DAB1: variants seen among roughly 807,000 people sequenced by gnomAD.
DAB1 encodes the protein disabled homolog 1.
Under a neutral mutation model 64.6 loss-of-function variants are expected in DAB1, and 15 were observed. The ratio of observed to expected loss-of-function variants is 0.23; its 90% CI spans 0.16 to 0.36. The LOEUF (loss-of-function observed/expected upper bound fraction) is 0.36, where lower values mean the gene tolerates loss of function less well. DAB1 is among the 10% of genes least tolerant of loss of function. DAB1 has a pLI of 1.00. For synonymous variants in DAB1, 235 were observed against 251.9 expected (o/e 0.93, Z 0.64); for missense variants, 596 against 706.7 (o/e 0.84, Z 1.78).
intron 1 of DAB1, among the ~76,000 whole-genome samples, chr1:57,837,527 C>G (rs1305776557): frequency 2.0e-5 from 3 of 152,044 alleles, no homozygotes; most frequent in African/African-American, 7.3e-5. Flanking sequence ...CCTAAAATAT[C>G]TCCCCCACTC....
At position 57,021,519 on chromosome 1, in the gene DAB1, C is replaced by G. The variant is rs564240550; in HGVS notation, c.895+2012G>C. 4.6e-4 allele frequency among the ~76,000 whole-genome samples: 70 copies of G among 152,278 alleles called. 2 individuals carry two copies. In the Middle Eastern group the frequency reaches 0.017, roughly 37 times the overall value. ...GATGGTTTTATAAAGGGGAGTTCCC[C>G]TGAACACAAGCCCTCTTGTCTGCCA... On this transcript the variant is annotated intron_variant, in intron 11 of 14. Coordinates refer to ENST00000371236, the MANE Select transcript of DAB1 (RefSeq NM_001365792.1).
In DAB1 at chr1:57,238,766, A is replaced by G. The variant is rs149282508; in HGVS notation, c.67+52198T>C. ...GTACAATGACTGGAAATAGTTCTAT[A>G]GTACTGGGCAGAAATAAGGGGAGAG... On this transcript the variant is annotated intron_variant, in intron 2 of 14. Transcript: ENST00000371236. Among the ~76,000 whole-genome samples, 10 of 152,088 alleles carry G rather than the reference A, an allele frequency of 6.6e-5. No homozygotes were observed. In the East Asian group the frequency reaches 1.7e-3, roughly 27 times the overall value.
chr1:57,247,573 AACTTC>A (rs1381339045), intron 2 of DAB1, among the ~76,000 whole-genome samples: 1 of 152,176 alleles, frequency 6.6e-6, no homozygotes, highest in Non-Finnish European at 1.5e-5. Context: ...ATGAATTGTG[AACTTC>A]ACTTAACTGA....
At chr1:57,301,525 G>A (rs942855790) in intron 1 of DAB1, among the ~76,000 whole-genome samples, 3 of 152,118 alleles carry the variant, frequency 2.0e-5, no homozygotes, top group Non-Finnish European at 4.4e-5. Context: ...CTATTCCCTA[G>A]GGTCTAGCAG....
chr1:58,014,379 C>T (rs1646710430), intron 5 of DAB1, among the ~76,000 whole-genome samples: 1 of 152,212 alleles, frequency 6.6e-6, no homozygotes, highest in Non-Finnish European at 1.5e-5. Context: ...AAAACACTCT[C>T]TCAGATGCTG....
intron 5 of DAB1, among the ~76,000 whole-genome samples, chr1:58,010,621 T>A (rs1646654201): frequency 6.6e-6 from 1 of 152,220 alleles, no homozygotes; most frequent in South Asian, 2.1e-4. Context: ...TTCTTTATAG[T>A]CCACTTCAAT....
At chr1:57,743,704 T>C (rs1051016707) in intron 6 of DAB1, among the ~76,000 whole-genome samples, 2 of 152,150 alleles carry the variant, frequency 1.3e-5, no homozygotes, top group African/African-American at 4.8e-5. Context: ...CAGGAGACCC[T>C]AACCCAGCGG....
intron 4 of DAB1, among the ~76,000 whole-genome samples, chr1:58,168,141 C>G (rs750292689): frequency 6.6e-6 from 1 of 152,198 alleles, no homozygotes; most frequent in Non-Finnish European, 1.5e-5. Flanking sequence ...GAGACTAGCA[C>G]AGCTGCCAGA....
intron 7 of DAB1, among the ~76,000 whole-genome samples, chr1:57,622,496 A>G (rs938940309): frequency 2.0e-5 from 3 of 151,550 alleles, no homozygotes; most frequent in African/African-American, 4.8e-5. Flanking sequence ...ATGATAACAT[A>G]TGGAATGTTT....
chr1:57,400,320 G>T (rs989303424), intron 1 of DAB1, among the ~76,000 whole-genome samples: 1 of 152,150 alleles, frequency 6.6e-6, no homozygotes, highest in African/African-American at 2.4e-5. Flanking sequence ...AGTCTATGAA[G>T]TTGTTGCTAT....
chr1:58,264,074 G>C (rs879850741), intron 4 of DAB1, among the ~76,000 whole-genome samples: 1 of 152,166 alleles, frequency 6.6e-6, no homozygotes, highest in Non-Finnish European at 1.5e-5. Flanking sequence ...TGACAAAATT[G>C]GATGAAAATG....
chr1:57,956,758 A>G (rs1404469238), intron 5 of DAB1, among the ~76,000 whole-genome samples: 2 of 152,248 alleles, frequency 1.3e-5, no homozygotes, highest in Non-Finnish European at 2.9e-5. Context: ...CCTGCAGCTA[A>G]TGATATGATA....
At chr1:58,341,733 G>A (rs1643936495) in intron 4 of DAB1, among the ~76,000 whole-genome samples, 1 of 152,138 alleles carries the variant, frequency 6.6e-6, no homozygotes, top group African/African-American at 2.4e-5. Flanking sequence ...TGATATACTG[G>A]AAAGGACTTA....
rs943113319 is a variant in DAB1 at position 58,335,160 on chromosome 1, G to A, written n.309+8192C>T. Among the ~76,000 whole-genome samples, 6 of 152,202 alleles carry A rather than the reference G, an allele frequency of 3.9e-5. No individual in the cohort carries two copies. The South Asian group carries it at 1.2e-3, about 32-fold the overall frequency. The stretch of plus-strand genomic sequence containing the variant: ...TTGAGCAAAGACTTGACTAAAATGA[G>A]GGTACACGTACAAAAACCAGGAGGA... On this transcript the variant is annotated intron_variant and non_coding_transcript_variant, in intron 4 of 20. Coordinates refer to the DAB1 transcript ENST00000485760.
intron 5 of DAB1, among the ~76,000 whole-genome samples, chr1:58,089,534 A>C (rs1650514503): frequency 6.6e-6 from 1 of 152,368 alleles, no homozygotes; most frequent in African/African-American, 2.4e-5. Context: ...TCTATTAGAA[A>C]TCATGAGCAA....
chr1:57,144,202 C>T (rs2100819824), intron 3 of DAB1, among the ~76,000 whole-genome samples: 1 of 151,920 alleles, frequency 6.6e-6, no homozygotes, highest in South Asian at 2.1e-4. Flanking sequence ...CATAAGTGAA[C>T]TCTGTAATCA....
intron 6 of DAB1, among the ~76,000 whole-genome samples, chr1:57,759,456 G>T (rs991551158): frequency 6.6e-6 from 1 of 152,092 alleles, no homozygotes; most frequent in Non-Finnish European, 1.5e-5. Flanking sequence ...CTATGATGGT[G>T]GTTATAATTA....
chr1:58,076,330 T>C (rs993036845), intron 5 of DAB1, among the ~76,000 whole-genome samples: 1 of 152,200 alleles, frequency 6.6e-6, no homozygotes, highest in African/African-American at 2.4e-5. Flanking sequence ...AGATCAGAGA[T>C]GTGCACCCAG....
At chr1:57,951,332 A>ATATATATATATATATATATATATAT (rs1491577001) in intron 5 of DAB1, among the ~76,000 whole-genome samples, 8 of 127,708 alleles carry the variant, frequency 6.3e-5, no homozygotes, top group Non-Finnish European at 8.9e-5. Context: ...ATATATATAT[A>ATATATATATATATATATATATATAT]CTTCCCTGGA....
Sources: gnomAD v4.1 joint callset for allele counts (sites outside exome capture counted in the v4.1 genomes callset) on GRCh38, gnomAD v4.1.1 for gene constraint, MANE v1.5 for transcripts, NCBI Gene and HGNC (gene_info 2026-07-23, HGNC 2026-07-21) for gene names.